The following GTF2IRD1 variants were observed in gnomAD, a reference collection of about 807,000 sequenced individuals.
GTF2IRD1 encodes the protein GTF2I repeat domain containing 1.
Under a neutral mutation model 113.2 loss-of-function variants are expected in GTF2IRD1, and 26 were observed. That is an observed-to-expected ratio of 0.23 (90% CI 0.17 to 0.32). GTF2IRD1 has a LOEUF of 0.32. GTF2IRD1 is among the 10% of genes least tolerant of loss of function. The pLI is 1.00. For missense variants in GTF2IRD1, 864 were observed against 1,280.8 expected, an observed-to-expected ratio of 0.67 and a Z score of 4.97; for synonymous variants, 484 against 529.1, an observed-to-expected ratio of 0.91 and a Z score of 1.17.
intron 1 of GTF2IRD1, among the ~76,000 whole-genome samples, chr7:74,479,029 G>A (rs545017092): frequency 1.7e-4 from 26 of 151,986 alleles, no homozygotes; most frequent in African/African-American, 5.5e-4. Context: ...ACCCCCCGTC[G>A]CCAGCTCCTG....
chr7:74,544,088 C>A (rs1302376827), intron 14 of GTF2IRD1, among the ~76,000 whole-genome samples: 3 of 152,064 alleles, frequency 2.0e-5, no homozygotes, highest in African/African-American at 7.2e-5. Flanking sequence ...CACTAGTATT[C>A]CTAGCATCTT....
intron 1 of GTF2IRD1, among the ~76,000 whole-genome samples, chr7:74,482,732 C>T (rs1794813255): frequency 6.6e-6 from 1 of 152,150 alleles, no homozygotes; most frequent in East Asian, 1.9e-4. Context: ...AGAATGTGGC[C>T]TCCTTTTGAA....
intron 17 of GTF2IRD1, among the ~76,000 whole-genome samples, chr7:74,549,939 G>T (rs1799204412): frequency 6.6e-6 from 1 of 152,076 alleles, no homozygotes; most frequent in Non-Finnish European, 1.5e-5. Context: ...TGGAGGCTGA[G>T]GCAGGAGAAT....
chr7:74,505,718 G>C (rs1178619520), intron 1 of GTF2IRD1, among the ~76,000 whole-genome samples: 1 of 152,190 alleles, frequency 6.6e-6, no homozygotes, highest in South Asian at 2.1e-4. Context: ...GCTTGCAGGG[G>C]ATGGCTTGGG....
chr7:74,597,189 C>T (rs1223883241), intron 25 of GTF2IRD1, among the ~76,000 whole-genome samples: 29 of 151,400 alleles, frequency 1.9e-4, no homozygotes, highest in African/African-American at 7.0e-4. Context: ...ATTACAGGCG[C>T]CTGCCACCAC....
At chr7:74,471,370 G>A (rs1048401339) in intron 1 of GTF2IRD1, among the ~76,000 whole-genome samples, 5 of 152,080 alleles carry the variant, frequency 3.3e-5, no homozygotes, top group African/African-American at 9.7e-5. Context: ...TTAGCCGGGT[G>A]TGGTGGCACA....
At chr7:74,488,958 A>G (rs1249152904) in intron 1 of GTF2IRD1, among the ~76,000 whole-genome samples, 1 of 152,042 alleles carries the variant, frequency 6.6e-6, no homozygotes, top group Non-Finnish European at 1.5e-5. Context: ...CCTGGCCAAC[A>G]TAACAAAACC....
intron 4 of GTF2IRD1, among the ~76,000 whole-genome samples, chr7:74,517,519 A>G (rs1797020689): frequency 1.4e-5 from 2 of 142,904 alleles, no homozygotes; most frequent in Admixed American, 1.5e-4. Context: ...TCCCGGGTTC[A>G]AGCGATTCTC....
At chr7:74,511,748 C>T (rs1796645881) in intron 2 of GTF2IRD1, among the ~76,000 whole-genome samples, 1 of 152,190 alleles carries the variant, frequency 6.6e-6, no homozygotes, top group Non-Finnish European at 1.5e-5. Flanking sequence ...GCTGCCAGCA[C>T]TACCTGACTC....
At chr7:74,468,808 GGC>G (rs1210310032) in intron 1 of GTF2IRD1, among the ~76,000 whole-genome samples, 1 of 151,646 alleles carries the variant, frequency 6.6e-6, no homozygotes, top group African/African-American at 2.4e-5. Context: ...GGAAGGGCCG[GGC>G]GCGGTGGCTC....
At chr7:74,562,952 GT>G (rs1453887552) in intron 22 of GTF2IRD1, among the ~76,000 whole-genome samples, 2 of 152,172 alleles carry the variant, frequency 1.3e-5, no homozygotes, top group African/African-American at 4.8e-5. Flanking sequence ...TGCGAGACAT[GT>G]ATTTTTATTT....
chr7:74,585,364 C>T (rs1474341955), intron 22 of GTF2IRD1, among the ~76,000 whole-genome samples: 3 of 152,078 alleles, frequency 2.0e-5, no homozygotes, highest in South Asian at 2.1e-4. Context: ...CCACCTGCCT[C>T]GGCCTCTGAG....
rs782159802 is a variant in GTF2IRD1 at position 74,515,451 on chromosome 7, G to A, written c.276G>A (p.Pro92=). Residue 92 remains proline, a synonymous_variant, in exon 4 of 27, where the codon CCG becomes CCA. Transcript: ENST00000424337. ...CTCTGTGTCCCACAGGAGGGCCCCC[G>A]TGGAAGGATCCGGAGGCAGAGCACC... ...SDFLRFCRGP[P]WKDPEAEHPK... 17 of 1,591,664 alleles carry A rather than the reference G, an allele frequency of 1.1e-5. No homozygotes were observed. The highest frequency in any genetic ancestry group is 1.7e-4 in the Middle Eastern group (1 of 6,044).
In GTF2IRD1 at chr7:74,521,233, G is replaced by A. The variant is rs782144571; in HGVS notation, c.942G>A (p.Gly314=). Residue 314 remains glycine (G), a synonymous_variant, in exon 7 of 27, where the codon GGG becomes GGA. Transcript: ENST00000424337. ...GACAGAAGCCCACTGGGCCTGGTGG[G>A]CCTCTCATCCAGAACGTCCATGCCT... ...CCGQKPTGPG[G]PLIQNVHASK... 4.3e-6 allele frequency: 7 copies of A among 1,609,204 alleles called. No individual in the cohort carries two copies. The highest frequency in any genetic ancestry group is 5.1e-6 in the Non-Finnish European group (6 of 1,175,880).
intron 1 of GTF2IRD1, among the ~76,000 whole-genome samples, chr7:74,497,620 G>A (rs782047458): frequency 1.1e-4 from 17 of 152,032 alleles, no homozygotes; most frequent in Non-Finnish European, 2.2e-4. Flanking sequence ...GTACCATTTT[G>A]CATCCCTACC....
At chr7:74,463,679 C>T (rs1190437267) in intron 1 of GTF2IRD1, among the ~76,000 whole-genome samples, 2 of 151,622 alleles carry the variant, frequency 1.3e-5, no homozygotes, top group Non-Finnish European at 2.9e-5. Flanking sequence ...ATGTGAGGCT[C>T]AAGCCTCCTG....
chr7:74,579,057 C>T (rs587637850), intron 22 of GTF2IRD1, among the ~76,000 whole-genome samples: 2 of 151,644 alleles, frequency 1.3e-5, no homozygotes, highest in Non-Finnish European at 2.9e-5. Context: ...CCTGGTGACT[C>T]GCCCCTGTAA....
At chr7:74,556,264 A>G (rs1485360843) in intron 19 of GTF2IRD1, among the ~76,000 whole-genome samples, 2 of 149,510 alleles carry the variant, frequency 1.3e-5, no homozygotes, top group Non-Finnish European at 3.0e-5. Flanking sequence ...AAAAAAAAGA[A>G]AGAGAGAGAG....
chr7:74,565,206 A>G (rs1422904198), intron 22 of GTF2IRD1, among the ~76,000 whole-genome samples: 2 of 152,156 alleles, frequency 1.3e-5, no homozygotes, highest in Non-Finnish European at 2.9e-5. Flanking sequence ...GGCCACACCC[A>G]CCTGCCTGCA....
Sources: gnomAD v4.1 joint callset for allele counts (sites outside exome capture counted in the v4.1 genomes callset) on GRCh38, gnomAD v4.1.1 for gene constraint, MANE v1.5 for transcripts, NCBI Gene and HGNC (gene_info 2026-07-23, HGNC 2026-07-21) for gene names.